ZNF362: variants seen among roughly 807,000 people sequenced by gnomAD.
The protein encoded by ZNF362 is rotund homolog.
ZNF362 carries 11 observed loss-of-function variants against 42.9 expected under a neutral mutation model. The observed-to-expected ratio is 0.26, with a 90% confidence interval of 0.16 to 0.42. The LOEUF (loss-of-function observed/expected upper bound fraction) is 0.42, where lower values mean the gene tolerates loss of function less well. ZNF362 is among the 20% of genes least tolerant of loss of function. The probability of loss-of-function intolerance (pLI) is 1.00; values close to 1 mark genes in which losing one functional copy is unlikely to be tolerated. For missense variants in ZNF362, 362 were observed against 576.2 expected, an observed-to-expected ratio of 0.63 and a Z score of 3.81; for synonymous variants, 255 against 257.3, an observed-to-expected ratio of 0.99 and a Z score of 0.09.
chr1:33,258,186 G>T (rs912944463), intron 1 of ZNF362, among the ~76,000 whole-genome samples: 2 of 152,152 alleles, frequency 1.3e-5, no homozygotes, highest in African/African-American at 4.8e-5. Flanking sequence ...TTTGGACTTC[G>T]GTTAAGTTCC....
At chr1:33,127,535 G>A in the ZNF362 span, among the ~76,000 whole-genome samples, 1 of 152,252 alleles carries the variant, frequency 6.6e-6, no homozygotes, top group South Asian at 2.1e-4. Context: ...CCGGGACTGA[G>A]GCGGCGTGGG....
At chr1:33,230,811 G>A in the ZNF362 span, among the ~76,000 whole-genome samples, 1 of 152,214 alleles carries the variant, frequency 6.6e-6, no homozygotes, top group East Asian at 1.9e-4. Context: ...GATGGTGCTG[G>A]TGGTGCTAGA....
At chr1:33,237,924 C>T in the ZNF362 span, among the ~76,000 whole-genome samples, 12 of 152,324 alleles carry the variant, frequency 7.9e-5, no homozygotes, top group African/African-American at 2.9e-4. Flanking sequence ...AGAGCTTTTA[C>T]CTGCAAGGGC....
intron 8 of ZNF362, among the ~76,000 whole-genome samples, 187 bp from the exon 9 acceptor site, chr1:33,298,743 A>C (rs1170819416): frequency 6.6e-6 from 1 of 152,224 alleles, no homozygotes; most frequent in Non-Finnish European, 1.5e-5. Flanking sequence ...GCCAGCACTC[A>C]TACTGGCAGC....
the ZNF362 span, among the ~76,000 whole-genome samples, chr1:33,177,896 C>T: frequency 6.6e-6 from 1 of 152,176 alleles, no homozygotes; most frequent in Non-Finnish European, 1.5e-5. This position sits in a 1 kb window ranked among gnomAD's most constrained non-coding sequence, Gnocchi z 4.1. Context: ...AATATAATTA[C>T]TTCCATGCTG....
Position 33,280,461 on chromosome 1 carries a change from G to T in ZNF362, c.683+4G>T. ...CCAAGGAGGGCAAGACGTACAGGTG[G>T]GGGTCTTGGCGGGATGGGGTCCGAG... is the stretch of plus-strand genomic sequence containing the variant. On this transcript the variant is annotated splice_donor_region_variant and intron_variant, in intron 5 of 8. Coordinates refer to ENST00000539719, the MANE Select transcript of ZNF362 (RefSeq NM_152493.3). This position sits in a 1 kb window ranked among gnomAD's most constrained non-coding sequence, Gnocchi z 5.6. The T allele has an allele frequency of 6.4e-7, 1 of 1,571,640 alleles. No homozygotes were observed. Among genetic ancestry groups the T allele is most frequent in the South Asian group, 1.2e-5 (1 of 86,200 alleles).
chr1:33,279,975 C>A (rs1396782859), intron 4 of ZNF362, 149 bp from the exon 5 acceptor site: 1 of 842,386 alleles, frequency 1.2e-6, no homozygotes, highest in Non-Finnish European at 1.7e-6. Flanking sequence ...GCATCTTACA[C>A]ATGCACAAGG....
chr1:33,194,540 A>AAAAT, the ZNF362 span, among the ~76,000 whole-genome samples: 4 of 151,244 alleles, frequency 2.6e-5, no homozygotes, highest in East Asian at 7.8e-4. Flanking sequence ...CTCAAAAAAA[A>AAAAT]AAAAAAAAAA....
chr1:33,177,064 C>T, the ZNF362 span, among the ~76,000 whole-genome samples: 5 of 64,338 alleles, frequency 7.8e-5, no homozygotes, highest in South Asian at 9.0e-4. The surrounding 1 kb of genome is among the most constrained non-coding windows in gnomAD (Gnocchi z 4.1). Flanking sequence ...CACACACACA[C>T]ATGCACACAC....
chr1:33,298,969 G>A lies in ZNF362; in HGVS notation c.1186G>A (p.Val396Met). The change falls in exon 9 of 9, where the codon GTG becomes ATG. Residue 396 changes from valine (V) to methionine (M), a missense_variant. Val to Met is a conservative substitution (Grantham distance 21). Transcript: ENST00000539719. ...GAAGCACATGTCCAAACACACGGTG[G>A]TGGAGCACCTGGTGAGCCATCACTC... is the stretch of plus-strand genomic sequence containing the variant. ...LMKHMSKHTV[V>M]EHLVSHHSPQ... 10 of 1,613,828 alleles carry A rather than the reference G, an allele frequency of 6.2e-6. No homozygotes were observed. Among genetic ancestry groups the A allele is most frequent in the Non-Finnish European group, 8.5e-6 (10 of 1,180,024 alleles).
At chr1:33,149,553 T>C in the ZNF362 span, among the ~76,000 whole-genome samples, 1 of 152,114 alleles carries the variant, frequency 6.6e-6, no homozygotes, top group Admixed American at 6.6e-5. Flanking sequence ...CTCCTAGGCT[T>C]AAGTGATCCT....
intron 6 of ZNF362, among the ~76,000 whole-genome samples, chr1:33,292,216 GTTC>G (rs1207068043): frequency 6.6e-6 from 1 of 152,128 alleles, no homozygotes; most frequent in African/African-American, 2.4e-5. Flanking sequence ...GTCATAAATA[GTTC>G]TTATTATTTT....
intron 1 of ZNF362, among the ~76,000 whole-genome samples, chr1:33,264,614 C>T (rs1041923639): frequency 4.6e-5 from 7 of 152,174 alleles, no homozygotes; most frequent in Non-Finnish European, 1.0e-4. Context: ...TACTTTGAAC[C>T]CTTGAGCTGT....
intron 1 of ZNF362, among the ~76,000 whole-genome samples, chr1:33,268,868 A>G (rs1299571892): frequency 1.3e-5 from 2 of 152,216 alleles, no homozygotes; most frequent in Admixed American, 6.5e-5. Context: ...GGGCAGGGTT[A>G]TGATCTTTTA....
intron 1 of ZNF362, among the ~76,000 whole-genome samples, chr1:33,257,461 CG>C (rs1338201687): frequency 2.0e-5 from 3 of 148,130 alleles, no homozygotes; most frequent in Non-Finnish European, 4.4e-5. Context: ...TGAAATGCCG[CG>C]AAAGGATCTC....
chr1:33,262,217 A>T (rs1444514017), intron 1 of ZNF362, among the ~76,000 whole-genome samples: 1 of 146,976 alleles, frequency 6.8e-6, no homozygotes, highest in Non-Finnish European at 1.5e-5. Context: ...TGCCTCATGC[A>T]TGTGGCCACA....
upstream of ZNF362, among the ~76,000 whole-genome samples, chr1:33,255,286 A>G (rs2148050484): frequency 6.6e-6 from 1 of 152,320 alleles, no homozygotes; most frequent in South Asian, 2.1e-4. Context: ...GATGTTTACT[A>G]GGTCCTCTAT....
the ZNF362 span, among the ~76,000 whole-genome samples, chr1:33,161,334 C>T: frequency 4.6e-5 from 7 of 152,186 alleles, no homozygotes; most frequent in Non-Finnish European, 8.8e-5. The surrounding 1 kb of genome is among the most constrained non-coding windows in gnomAD (Gnocchi z 4.3). Context: ...CAGGACGACA[C>T]GGGCTATAGA....
chr1:33,266,249 T>C lies in ZNF362; in HGVS notation c.-88-4238T>C, dbSNP rs1645864248. On this transcript the variant is annotated intron_variant, in intron 1 of 8. Coordinates refer to ENST00000539719, the MANE Select transcript of ZNF362 (RefSeq NM_152493.3). The surrounding 1 kb of genome is among the most constrained non-coding windows in gnomAD (Gnocchi z 4.3). ...TGCCCTTCTGCCGCAGTGGCTCTCCTGGCAAACTCGTCTGTCTTCACGGCT... is the reference window on the plus strand; with the variant it reads ...TGCCCTTCTGCCGCAGTGGCTCTCCCGGCAAACTCGTCTGTCTTCACGGCT... Among the ~76,000 whole-genome samples the C allele has an allele frequency of 6.6e-6, 1 of 152,222 alleles. No individual in the cohort carries two copies. The highest frequency in any genetic ancestry group is 6.5e-5 in the Admixed American group (1 of 15,282).
Sources: gnomAD v4.1 joint callset for allele counts (sites outside exome capture counted in the v4.1 genomes callset) on GRCh38, gnomAD v4.1.1 for gene constraint, Gnocchi (gnomAD v3.1) non-coding constraint, MANE v1.5 for transcripts, NCBI Gene and HGNC (gene_info 2026-07-23, HGNC 2026-07-21) for gene names.